The following GRIA1 variants were observed in gnomAD, a reference collection of about 807,000 sequenced individuals.
GRIA1 encodes the protein glutamate ionotropic receptor AMPA type subunit 1, also known as glutamate receptor 1.
GRIA1 carries 31 observed loss-of-function variants against 99.2 expected under a neutral mutation model. The observed-to-expected ratio is 0.31, with a 90% CI of 0.23 to 0.42. GRIA1 has a LOEUF of 0.42. Among genes scored for constraint, GRIA1 ranks in the 10% least tolerant of loss-of-function variants. The probability of loss-of-function intolerance (pLI) is 1.00; values close to 1 mark genes in which losing one functional copy is unlikely to be tolerated. For synonymous variants in GRIA1, 438 were observed against 432.4 expected, an observed-to-expected ratio of 1.01 and a Z score of -0.16; for missense variants, 782 against 1,157.5, an observed-to-expected ratio of 0.68 and a Z score of 4.71.
rs549037875 is a variant in GRIA1 at position 153,803,800 on chromosome 5, A to T, written c.2520+1310A>T. On this transcript the variant is annotated intron_variant, in intron 15 of 15. Coordinates refer to ENST00000285900, the MANE Select transcript of GRIA1 (RefSeq NM_000827.4). ...CCAAGCTCAGTATGCCCACTCTTGG[A>T]TCCATACATAGCCTCCTGCCCAGCC... Among the ~76,000 whole-genome samples, 3 of 152,264 alleles carry T rather than the reference A, an allele frequency of 2.0e-5. No individual in the cohort carries two copies. In the South Asian group the frequency reaches 6.2e-4, roughly 32 times the overall value.
intron 2 of GRIA1, among the ~76,000 whole-genome samples, chr5:153,495,861 G>A (rs1026827591): frequency 1.3e-5 from 2 of 152,114 alleles, no homozygotes; most frequent in African/African-American, 4.8e-5. Flanking sequence ...ATTTGGTTGG[G>A]GGCATCAGTG....
intron 3 of GRIA1, among the ~76,000 whole-genome samples, chr5:153,649,864 A>G (rs1754427222): frequency 6.6e-6 from 1 of 152,242 alleles, no homozygotes; most frequent in Non-Finnish European, 1.5e-5. Context: ...TTATTAGGTG[A>G]CCATTTAGAT....
intron 2 of GRIA1, among the ~76,000 whole-genome samples, chr5:153,526,508 A>G (rs1757614380): frequency 6.6e-6 from 1 of 152,236 alleles, no homozygotes; most frequent in African/African-American, 2.4e-5. Context: ...TCAAACATTA[A>G]CAACCTGTAT....
At chr5:153,560,975 G>A (rs1454036739) in intron 2 of GRIA1, among the ~76,000 whole-genome samples, 1 of 152,158 alleles carries the variant, frequency 6.6e-6, no homozygotes, top group Non-Finnish European at 1.5e-5. Flanking sequence ...CTGAGACAAA[G>A]GAGCAGGGAT....
chr5:153,666,584 G>A (rs1188386629), intron 5 of GRIA1, among the ~76,000 whole-genome samples: 2 of 152,168 alleles, frequency 1.3e-5, no homozygotes, highest in African/African-American at 2.4e-5. Flanking sequence ...AAGTCCTAGA[G>A]TCTTTTTACT....
At chr5:153,596,522 C>T (rs888414645) in intron 2 of GRIA1, among the ~76,000 whole-genome samples, 7 of 152,114 alleles carry the variant, frequency 4.6e-5, no homozygotes, top group Non-Finnish European at 8.8e-5. Flanking sequence ...GAAATGGAGG[C>T]CCCTGATTTT....
chr5:153,539,021 T>C (rs1304515430), intron 2 of GRIA1, among the ~76,000 whole-genome samples: 1 of 152,220 alleles, frequency 6.6e-6, no homozygotes, highest in Non-Finnish European at 1.5e-5. Context: ...GCTGGGTTTG[T>C]GAACTAATCA....
At chr5:153,664,744 A>G (rs2149474971) in intron 5 of GRIA1, among the ~76,000 whole-genome samples, 1 of 152,318 alleles carries the variant, frequency 6.6e-6, no homozygotes, top group East Asian at 1.9e-4. Flanking sequence ...GTAAATGGAC[A>G]AATAAATGAT....
intron 11 of GRIA1, among the ~76,000 whole-genome samples, chr5:153,734,193 A>G (rs888221509): frequency 8.5e-5 from 13 of 152,102 alleles, no homozygotes; most frequent in African/African-American, 2.9e-4. Flanking sequence ...GCTTTCATGT[A>G]AGCTCCCCAA....
At chr5:153,581,340 C>T (rs1267913465) in intron 2 of GRIA1, among the ~76,000 whole-genome samples, 1 of 152,184 alleles carries the variant, frequency 6.6e-6, no homozygotes, top group Admixed American at 6.5e-5. Flanking sequence ...ATCCAAATGC[C>T]TAACACAAGC....
chr5:153,638,766 T>G (rs959843825), intron 2 of GRIA1, among the ~76,000 whole-genome samples: 1 of 152,232 alleles, frequency 6.6e-6, no homozygotes, highest in Non-Finnish European at 1.5e-5. Context: ...AGCATGGGTG[T>G]TAGATAAAAA....
intron 11 of GRIA1, among the ~76,000 whole-genome samples, chr5:153,747,213 C>T (rs890818060): frequency 2.0e-5 from 3 of 152,248 alleles, no homozygotes; most frequent in Non-Finnish European, 2.9e-5. Flanking sequence ...GAAGCTTTTA[C>T]TCATGGCAGA....
intron 5 of GRIA1, among the ~76,000 whole-genome samples, chr5:153,663,718 A>G (rs184728847): frequency 7.9e-5 from 12 of 152,220 alleles, no homozygotes; most frequent in Non-Finnish European, 1.5e-4. Context: ...TGTTTTCAAA[A>G]GGAAAAAAAT....
rs1287555500 is a variant in GRIA1 at position 153,811,371 on chromosome 5, T to C, written c.*146T>C. On this transcript the variant is annotated 3_prime_UTR_variant, in exon 16 of 16. Transcript: ENST00000285900. Reference sequence around the variant, plus strand: ...AGAAGGATGATTCAACAGGTTTTCCTGAAGAATTGAAAAACCATTTTGCTG... The same window carrying C: ...AGAAGGATGATTCAACAGGTTTTCCCGAAGAATTGAAAAACCATTTTGCTG... 9 of 625,328 alleles carry C rather than the reference T, an allele frequency of 1.4e-5. No individual in the cohort carries two copies. Among genetic ancestry groups the C allele is most frequent in the Admixed American group, 2.9e-5 (1 of 34,814 alleles). The allele number at this position is 625,328 out of a possible 1,614,324, so 38.7% of individuals were successfully genotyped here.
intron 13 of GRIA1, among the ~76,000 whole-genome samples, chr5:153,776,402 A>G (rs138247968): frequency 6.6e-6 from 1 of 152,316 alleles, no homozygotes; most frequent in Non-Finnish European, 1.5e-5. Context: ...ATGGAAAAAT[A>G]CGGGATTTAC....
At chr5:153,502,693 T>C (rs1018157737) in intron 2 of GRIA1, among the ~76,000 whole-genome samples, 5 of 152,104 alleles carry the variant, frequency 3.3e-5, no homozygotes, top group African/African-American at 1.2e-4. Flanking sequence ...GAGGTCCAGG[T>C]TGAGGAGGCA....
intron 14 of GRIA1, among the ~76,000 whole-genome samples, chr5:153,797,998 A>G (rs1371043055): frequency 2.6e-5 from 4 of 152,162 alleles, no homozygotes; most frequent in African/African-American, 7.2e-5. Flanking sequence ...GAAACTCCTT[A>G]GGTGCCTCAA....
At chr5:153,722,979 T>C (rs1225221716) in intron 11 of GRIA1, among the ~76,000 whole-genome samples, 2 of 152,148 alleles carry the variant, frequency 1.3e-5, no homozygotes, top group African/African-American at 2.4e-5. Flanking sequence ...ATCAGGATAA[T>C]TGTGGGTAGA....
chr5:153,593,715 A>G (rs1764180514), intron 2 of GRIA1, among the ~76,000 whole-genome samples: 1 of 152,170 alleles, frequency 6.6e-6, no homozygotes, highest in Non-Finnish European at 1.5e-5. Context: ...GTTTTCCCAG[A>G]GACCTTCCTC....
Sources: gnomAD v4.1 joint callset for allele counts (sites outside exome capture counted in the v4.1 genomes callset) on GRCh38, gnomAD v4.1.1 for gene constraint, MANE v1.5 for transcripts, NCBI Gene and HGNC (gene_info 2026-07-23, HGNC 2026-07-21) for gene names.